ZNF211: variants seen among roughly 807,000 people sequenced by gnomAD.
ZNF211 encodes the protein zinc finger protein 211.
ZNF211 carries 18 observed loss-of-function variants against 12.1 expected under a neutral mutation model. That is an observed-to-expected ratio of 1.48 (90% confidence interval 1.03 to 2.20). The LOEUF (loss-of-function observed/expected upper bound fraction) is 2.20. Ranked by LOEUF, ZNF211 falls within the 30% of genes most tolerant of loss-of-function variation. The probability of loss-of-function intolerance (pLI) is 0.00; values close to 1 mark genes in which losing one functional copy is unlikely to be tolerated. For synonymous variants in ZNF211, 249 were observed against 246.0 expected, an observed-to-expected ratio of 1.01 and a Z score of -0.11; for missense variants, 677 against 703.1, an observed-to-expected ratio of 0.96 and a Z score of 0.42.
rs1983203134 is a variant in ZNF211, at chr19:57,643,537, T to C, written c.*1356T>C. Among the ~76,000 whole-genome samples the C allele has an allele frequency of 2.0e-5, 3 of 152,214 alleles. No individual in the cohort carries two copies. The highest frequency in any genetic ancestry group is 2.0e-4 in the Admixed American group (3 of 15,282). ...CTTCCAGGAATGTGACTTTGTAACC[T>C]ACCATCATCCTGTGTTTAAATGAAT... On this transcript the variant is annotated 3_prime_UTR_variant, in exon 4 of 4. Coordinates refer to ENST00000240731, the MANE Select transcript of ZNF211 (RefSeq NM_006385.5).
Position 57,634,022 on chromosome 19 carries a change from G to T in ZNF211, c.91-1G>T. ...CCTCTGAGGCCTGCGTCTTTCCACA[G>T]GTTCCCATAGCTACAGAGGTGCTTT... On this transcript the variant is annotated splice_acceptor_variant, in intron 1 of 3. Transcript: ENST00000240731. LOFTEE classifies it high-confidence loss of function. 1.3e-6 allele frequency: 2 copies of T among 1,589,230 alleles called. No homozygotes were observed. Among genetic ancestry groups the T allele is most frequent in the Non-Finnish European group, 1.7e-6 (2 of 1,169,500 alleles).
intron 3 of ZNF211, among the ~76,000 whole-genome samples, chr19:57,635,834 A>G (rs982852199): frequency 3.9e-5 from 6 of 152,152 alleles, no homozygotes; most frequent in African/African-American, 7.2e-5. Flanking sequence ...CAGCTGCACC[A>G]TTTTACATTC....
Position 57,643,181 on chromosome 19 carries a change from A to G in ZNF211, c.*1000A>G, listed in dbSNP as rs533509962. Among the ~76,000 whole-genome samples, 1 of 152,186 alleles carries G rather than the reference A, an allele frequency of 6.6e-6. No homozygotes were observed. The highest frequency in any genetic ancestry group is 2.1e-4 in the South Asian group (1 of 4,812). ...TGCTGCCAAGGAGCCAAGTGCCCCA[A>G]TACAATTTAGTAGGCTACTGTCACT... On this transcript the variant is annotated 3_prime_UTR_variant, in exon 4 of 4. Coordinates refer to ENST00000240731, the MANE Select transcript of ZNF211 (RefSeq NM_006385.5).
intron 3 of ZNF211, among the ~76,000 whole-genome samples, chr19:57,640,344 C>A (rs1055308511): frequency 6.6e-6 from 1 of 152,190 alleles, no homozygotes; most frequent in Non-Finnish European, 1.5e-5. Context: ...TCCCTGAACA[C>A]CAGTTACTGT....
At position 57,634,112 on chromosome 19, in the gene ZNF211, T is replaced by C. The variant is rs771455155; in HGVS notation, c.129+51T>C. ...ACTGGTCTGGAATGTCCCTCCACCCTCCCCAGACAGATATTTTCTTTAGAT... is the reference window on the plus strand; with the variant it reads ...ACTGGTCTGGAATGTCCCTCCACCCCCCCCAGACAGATATTTTCTTTAGAT... On this transcript the variant is annotated intron_variant, in intron 2 of 3. Transcript: ENST00000240731. The C allele has an allele frequency of 2.9e-5, 44 of 1,495,084 alleles. No homozygotes were observed. In the Middle Eastern group the frequency reaches 6.5e-4, roughly 22 times the overall value. The allele number at this position is 1,495,084 out of a possible 1,614,324, so 92.6% of individuals were successfully genotyped here. A position where few individuals can be genotyped will look rare whatever the true frequency, so the allele number is the denominator to read the frequency against.
At chr19:57,639,654 GA>G (rs147968289) in intron 3 of ZNF211, among the ~76,000 whole-genome samples, 8,615 of 151,360 alleles carry the variant, frequency 0.057, 329 homozygotes, top group South Asian at 0.098. Context: ...CCAAACTCCT[GA>G]CCTCAGTTGA....
chr19:57,639,617 G>A (rs1394546669), intron 3 of ZNF211, among the ~76,000 whole-genome samples: 3 of 149,682 alleles, frequency 2.0e-5, no homozygotes, highest in African/African-American at 4.9e-5. Context: ...GTAGAGACAG[G>A]GTTTCACCAT....
At position 57,634,756 on chromosome 19, in the gene ZNF211, G is replaced by A; in HGVS notation, c.256+1G>A. On this transcript the variant is annotated splice_donor_variant, in intron 3 of 3. Transcript: ENST00000240731. LOFTEE classifies it high-confidence loss of function. ...AACTTTGCACTTACGTCCTCCCTGG[G>A]TAAGGCCCTCATACTCACCCTTGTG... 2 of 1,590,560 alleles carry A rather than the reference G, an allele frequency of 1.3e-6. No homozygotes were observed. Among genetic ancestry groups the A allele is most frequent in the Non-Finnish European group, 8.6e-7 (1 of 1,167,332 alleles).
At chr19:57,636,710 A>G (rs1397818244) in intron 3 of ZNF211, among the ~76,000 whole-genome samples, 1 of 152,192 alleles carries the variant, frequency 6.6e-6, no homozygotes, top group Non-Finnish European at 1.5e-5. Flanking sequence ...GATATTTCAA[A>G]TGAATTTTAG....
At chr19:57,638,749 T>C (rs1315249683) in intron 3 of ZNF211, among the ~76,000 whole-genome samples, 2 of 152,216 alleles carry the variant, frequency 1.3e-5, no homozygotes, top group Non-Finnish European at 2.9e-5. Flanking sequence ...TTAGGTCCTC[T>C]GTTTTCTCTC....
Position 57,641,660 on chromosome 19 carries a change from A to G in ZNF211, c.1213A>G (p.Thr405Ala). The change falls in exon 4 of 4, where the codon ACT (threonine) becomes GCT (alanine). Residue 405 changes from threonine to alanine, a missense_variant. By Grantham distance (58) the Thr-to-Ala change is moderately conservative (BLOSUM62 0). Coordinates refer to ENST00000240731, the MANE Select transcript of ZNF211 (RefSeq NM_006385.5). ...CCTGATCTACCACCAGAGAGTTCAC[A>G]CTGGAGAAAGACCTCATGAGTGCAA... ...FSLIYHQRVH[T>A]GERPHECNEC... The G allele has an allele frequency of 6.2e-7, 1 of 1,614,034 alleles. No homozygotes were observed. Among genetic ancestry groups the G allele is most frequent in the Non-Finnish European group, 8.5e-7 (1 of 1,179,912 alleles).
intron 2 of ZNF211, 79 bp downstream of exon 2, chr19:57,634,140 G>A (rs965411062): frequency 2.1e-6 from 3 of 1,452,284 alleles, no homozygotes; most frequent in East Asian, 4.6e-5. Context: ...CTTTAGATTT[G>A]TGGTGTCATG....
chr19:57,635,223 A>G (rs929712668), intron 3 of ZNF211, among the ~76,000 whole-genome samples: 1 of 152,204 alleles, frequency 6.6e-6, no homozygotes, highest in African/African-American at 2.4e-5. Context: ...ACCTCCTTCA[A>G]GGTGTTTTTC....
At chr19:57,635,245 T>C (rs1483895272) in intron 3 of ZNF211, among the ~76,000 whole-genome samples, 1 of 152,256 alleles carries the variant, frequency 6.6e-6, no homozygotes, top group Non-Finnish European at 1.5e-5. Flanking sequence ...TTGTTTTTAA[T>C]TGTAAAATAT....
rs1253773539 is a variant in ZNF211 at position 57,643,328 on chromosome 19, A to G, written c.*1147A>G. Among the ~76,000 whole-genome samples the G allele has an allele frequency of 6.6e-6, 1 of 152,152 alleles. No individual in the cohort carries two copies. The highest frequency in any genetic ancestry group is 2.4e-5 in the African/African-American group (1 of 41,428). On this transcript the variant is annotated 3_prime_UTR_variant, in exon 4 of 4. Coordinates refer to ENST00000240731, the MANE Select transcript of ZNF211 (RefSeq NM_006385.5). ...TATGTTCTAGTAATTGTGCAGGATCAGTGTGTACAGACATTCTTAGAATTT... is the reference window on the plus strand; with the variant it reads ...TATGTTCTAGTAATTGTGCAGGATCGGTGTGTACAGACATTCTTAGAATTT...
chr19:57,633,734 C>G (rs976068175), intron 1 of ZNF211: 5 of 1,533,436 alleles, frequency 3.3e-6, no homozygotes, highest in Non-Finnish European at 4.4e-6. Context: ...CCATAGAGAG[C>G]TTGCGCAAAC....
intron 3 of ZNF211, among the ~76,000 whole-genome samples, chr19:57,638,750 G>A (rs1599962142): frequency 1.3e-5 from 2 of 152,114 alleles, no homozygotes; most frequent in South Asian, 4.1e-4. Flanking sequence ...TAGGTCCTCT[G>A]TTTTCTCTCT....
rs530355249 is a variant in ZNF211, at chr19:57,637,166, C to CT, written c.256+2415dup. Among the ~76,000 whole-genome samples, 730 of 152,120 alleles carry CT rather than the reference C, an allele frequency of 4.8e-3. 1 individual carries two copies. The highest frequency in any genetic ancestry group is 8.3e-3 in the Non-Finnish European group (567 of 67,998). ...TACTCCTCCTTTCCCATTTTGGTCC[C>CT]TTTTCTTTCTTTTTCTTGCCTAATT... On this transcript the variant is annotated intron_variant, in intron 3 of 3. Coordinates refer to ENST00000240731, the MANE Select transcript of ZNF211 (RefSeq NM_006385.5).
intron 3 of ZNF211, among the ~76,000 whole-genome samples, chr19:57,638,180 T>A (rs1240715406): frequency 6.6e-6 from 1 of 152,174 alleles, no homozygotes; most frequent in Admixed American, 6.6e-5. Flanking sequence ...ATTACAGGCA[T>A]GAGCCACTGC....
Sources: gnomAD v4.1 joint callset for allele counts (sites outside exome capture counted in the v4.1 genomes callset) on GRCh38, gnomAD v4.1.1 for gene constraint, MANE v1.5 for transcripts, NCBI Gene and HGNC (gene_info 2026-07-23, HGNC 2026-07-21) for gene names.